ZNF385D: variants seen among roughly 807,000 people sequenced by gnomAD.
The protein encoded by ZNF385D is zinc finger protein 659.
ZNF385D carries 15 observed loss-of-function variants against 35.8 expected under a neutral mutation model. The ratio of observed to expected loss-of-function variants is 0.42; its 90% confidence interval spans 0.28 to 0.64. The LOEUF (loss-of-function observed/expected upper bound fraction) is 0.64. Among genes scored for constraint, ZNF385D ranks in the 30% least tolerant of loss-of-function variants. The pLI is 0.23. For synonymous variants in ZNF385D, 212 were observed against 186.8 expected, an observed-to-expected ratio of 1.13 and a Z score of -1.10; for missense variants, 474 against 494.6, an observed-to-expected ratio of 0.96 and a Z score of 0.39.
intron 3 of ZNF385D, among the ~76,000 whole-genome samples, chr3:21,863,149 G>A (rs1697151724): frequency 6.6e-6 from 1 of 152,102 alleles, no homozygotes; most frequent in Non-Finnish European, 1.5e-5. Flanking sequence ...ACATATTAGA[G>A]TTCATATCCA....
chr3:22,276,133 C>A (rs1011694840), intron 2 of ZNF385D, among the ~76,000 whole-genome samples: 2 of 151,920 alleles, frequency 1.3e-5, no homozygotes, highest in Non-Finnish European at 1.5e-5. Context: ...GTCATTGGGG[C>A]ACTGTCACAA....
chr3:21,545,408 T>G (rs993429653), intron 3 of ZNF385D, among the ~76,000 whole-genome samples: 4 of 152,190 alleles, frequency 2.6e-5, no homozygotes, highest in Non-Finnish European at 5.9e-5. Context: ...TTTTGACTTT[T>G]GCCTGGAATA....
intron 3 of ZNF385D, among the ~76,000 whole-genome samples, chr3:22,112,448 G>T (rs908685241): frequency 2.6e-5 from 4 of 152,034 alleles, no homozygotes; most frequent in African/African-American, 9.7e-5. Context: ...ACAGCGGTGG[G>T]TGACAGCATT....
intron 3 of ZNF385D, among the ~76,000 whole-genome samples, chr3:22,013,325 G>C (rs944232499): frequency 1.7e-4 from 26 of 152,216 alleles, no homozygotes; most frequent in African/African-American, 5.3e-4. Flanking sequence ...ATTTGCTAAT[G>C]AAGTTAGATA....
chr3:22,335,081 A>C (rs1235296564), intron 2 of ZNF385D, among the ~76,000 whole-genome samples: 1 of 152,178 alleles, frequency 6.6e-6, no homozygotes, highest in Non-Finnish European at 1.5e-5. Context: ...TCCTGCTTTC[A>C]TTGAGTATTA....
At chr3:22,143,670 A>G (rs1704667713) in intron 3 of ZNF385D, among the ~76,000 whole-genome samples, 1 of 152,224 alleles carries the variant, frequency 6.6e-6, no homozygotes, top group South Asian at 2.1e-4. Flanking sequence ...TGTTACCAAC[A>G]GTAATGTAAT....
chr3:22,218,644 T>G (rs896993335), intron 2 of ZNF385D, among the ~76,000 whole-genome samples: 1 of 152,130 alleles, frequency 6.6e-6, no homozygotes, highest in Admixed American at 6.6e-5. Flanking sequence ...GTTCCTCTCC[T>G]GCTGGCCCAG....
In ZNF385D at chr3:22,137,351, T is replaced by C. The variant is rs199747904; in HGVS notation, c.325+31466A>G. Among the ~76,000 whole-genome samples, 34 of 152,204 alleles carry C rather than the reference T, an allele frequency of 2.2e-4. No individual in the cohort carries two copies. The East Asian group carries it at 4.3e-3, about 19-fold the overall frequency. On this transcript the variant is annotated intron_variant, in intron 3 of 5. Coordinates refer to the ZNF385D transcript ENST00000494108. Reference sequence around the variant, plus strand: ...CCAGCATCATCCTGATACCAAAACATGGCAGAGACACAACAAAAAAAGAGA... The same window carrying C: ...CCAGCATCATCCTGATACCAAAACACGGCAGAGACACAACAAAAAAAGAGA...
At chr3:22,243,740 GC>G (rs1699617467) in intron 2 of ZNF385D, among the ~76,000 whole-genome samples, 1 of 150,854 alleles carries the variant, frequency 6.6e-6, no homozygotes, top group African/African-American at 2.5e-5. Context: ...CAGATATTGA[GC>G]CTGGAAAAAT....
rs896906909 is a variant in ZNF385D, at chr3:22,188,678, C to T, written c.107-19643G>A. Among the ~76,000 whole-genome samples, 7 of 152,062 alleles carry T rather than the reference C, an allele frequency of 4.6e-5. No individual in the cohort carries two copies. In the East Asian group the frequency reaches 1.4e-3, roughly 29 times the overall value. On this transcript the variant is annotated intron_variant, in intron 2 of 5. Transcript: ENST00000494108. ...TGTTAGCCAGGATGGTCTCGATCTC[C>T]TGACTTTGTGATCCGCCTGTCTCAG...
At chr3:21,806,349 C>G (rs547231672) in intron 3 of ZNF385D, among the ~76,000 whole-genome samples, 4 of 152,038 alleles carry the variant, frequency 2.6e-5, no homozygotes, top group African/African-American at 9.6e-5. Flanking sequence ...GGACTACAGG[C>G]GCCTGTCACC....
At chr3:21,660,225 C>T (rs192194617) in intron 2 of ZNF385D, among the ~76,000 whole-genome samples, 1 of 152,040 alleles carries the variant, frequency 6.6e-6, no homozygotes, top group African/African-American at 2.4e-5. Context: ...ATTTCATATG[C>T]TAATTTACAT....
At chr3:22,087,228 CT>C (rs35533592) in intron 3 of ZNF385D, among the ~76,000 whole-genome samples, 9 of 150,938 alleles carry the variant, frequency 6.0e-5, no homozygotes, top group African/African-American at 1.5e-4. Flanking sequence ...GCAATAAACT[CT>C]TTTTTTTTCA....
At chr3:22,195,478 T>C (rs773840791) in intron 2 of ZNF385D, among the ~76,000 whole-genome samples, 2 of 152,048 alleles carry the variant, frequency 1.3e-5, no homozygotes, top group Non-Finnish European at 2.9e-5. Context: ...GCTTTTTATG[T>C]CATATATAAG....
intron 3 of ZNF385D, among the ~76,000 whole-genome samples, chr3:21,808,546 T>C (rs1347004893): frequency 1.3e-5 from 2 of 152,184 alleles, no homozygotes; most frequent in Non-Finnish European, 2.9e-5. Flanking sequence ...TGACCCTCTT[T>C]GCCTTGCAAG....
rs2067003353 is a variant in ZNF385D at position 21,684,067 on chromosome 3, T to A, written c.23-19039A>T. On this transcript the variant is annotated intron_variant, in intron 1 of 7. Coordinates refer to ENST00000281523, the MANE Select transcript of ZNF385D (RefSeq NM_024697.3). ...GTAATTAATTACGCAGAAATAGAAC[T>A]CTGACACTGTGAGTGTGGTATATGT... Among the ~76,000 whole-genome samples the A allele has an allele frequency of 1.3e-5, 2 of 149,768 alleles. 1 individual carries two copies. Among genetic ancestry groups the A allele is most frequent in the Admixed American group, 1.3e-4 (2 of 15,000 alleles).
chr3:22,057,113 G>A (rs1256703278), intron 3 of ZNF385D, among the ~76,000 whole-genome samples: 1 of 152,182 alleles, frequency 6.6e-6, no homozygotes, highest in Middle Eastern at 3.2e-3. Context: ...ACGTGACCCT[G>A]TGTAAGATAT....
intron 3 of ZNF385D, among the ~76,000 whole-genome samples, chr3:21,826,387 C>A (rs796607650): frequency 6.6e-6 from 1 of 152,116 alleles, no homozygotes; most frequent in Non-Finnish European, 1.5e-5. Flanking sequence ...GTGCTAGTAG[C>A]TGAACAGCCC....
intron 3 of ZNF385D, among the ~76,000 whole-genome samples, chr3:22,049,210 C>T (rs1308455925): frequency 2.0e-5 from 3 of 151,778 alleles, no homozygotes; most frequent in Non-Finnish European, 2.9e-5. Flanking sequence ...ATGGGAGATT[C>T]GCTTGAACCT....
Sources: allele counts gnomAD v4.1 joint callset (sites outside exome capture counted in the v4.1 genomes callset), GRCh38; gene constraint gnomAD v4.1.1; transcripts MANE v1.5; gene names NCBI Gene and HGNC (gene_info 2026-07-23, HGNC 2026-07-21).